Variants in CDC20 observed in about 807,000 individuals in gnomAD.
The protein encoded by CDC20 is cell division cycle protein 20 homolog.
Under a neutral mutation model 60.0 loss-of-function variants are expected in CDC20, and 34 were observed. That is an observed-to-expected ratio of 0.57 (90% confidence interval 0.43 to 0.75). The LOEUF (loss-of-function observed/expected upper bound fraction) is 0.75. CDC20 is among the 30% of genes least tolerant of loss of function. The pLI, the probability that CDC20 is intolerant of heterozygous loss-of-function variation, is 0.00. For synonymous variants in CDC20, 198 were observed against 243.5 expected (o/e 0.81, Z 1.74); for missense variants, 469 against 647.3 (o/e 0.72, Z 2.99).
At position 43,361,114 on chromosome 1, in the gene CDC20, A is replaced by G. The variant is rs1327837392; in HGVS notation, c.1078-6A>G. On this transcript the variant is annotated splice_region_variant and splice_polypyrimidine_tract_variant and intron_variant, in intron 8 of 10. Coordinates refer to ENST00000310955, the MANE Select transcript of CDC20 (RefSeq NM_001255.3). ...TACCTGCTGACCCCACCTTTATTCC[A>G]TCTAGGCCGTAGCATGGTGTCCCTG... The G allele has an allele frequency of 5.0e-6, 8 of 1,613,760 alleles. No homozygotes were observed. Among genetic ancestry groups the G allele is most frequent in the African/African-American group, 2.7e-5 (2 of 74,812 alleles).
Position 43,360,802 on chromosome 1 carries a change from T to G in CDC20, c.918T>G (p.Ser306Arg). 1 of 1,614,164 alleles carries G rather than the reference T, an allele frequency of 6.2e-7. No homozygotes were observed. The highest frequency in any genetic ancestry group is 8.5e-7 in the Non-Finnish European group (1 of 1,180,012). ...CAGAACACCATGTGGCCACACTGAG[T>G]GGCCACAGCCAGGAAGTGTGTGGGC... is the stretch of plus-strand genomic sequence containing the variant. ...RVAEHHVATL[S>R]GHSQEVCGLR... The change falls in exon 8 of 11, where the codon AGT becomes AGG. Residue 306 changes from serine (S) to arginine (R), a missense_variant. Ser to Arg is a moderately radical substitution (Grantham distance 110, BLOSUM62 -1). Around this residue, in one of 5 missense-constraint regions of CDC20, gnomAD observed 255 missense variants for 326.7 expected, o/e 0.78. Transcript: ENST00000310955.
Position 43,360,099 on chromosome 1 carries a change from T to TA in CDC20, c.556+4dup. 2.1e-5 allele frequency: 34 copies of TA among 1,614,244 alleles called. No homozygotes were observed. The highest frequency in any genetic ancestry group is 2.9e-5 in the Non-Finnish European group (34 of 1,180,050). On this transcript the variant is annotated splice_region_variant and intron_variant, in intron 5 of 10. Transcript: ENST00000310955. ...CGCCTGAAATCCGAAATGACTATTG[T>TA]AAGTGCATCCTTATCCTCGCCTCAT...
rs753694067 is a variant in CDC20 at position 43,362,937 on chromosome 1, C to G, written c.1322-14C>G. ...TGCATCAGCATTCGTATGTACTGTTCTCATTTGCTCCAGGTCACACATCCC... is the reference window on the plus strand; with the variant it reads ...TGCATCAGCATTCGTATGTACTGTTGTCATTTGCTCCAGGTCACACATCCC... On this transcript the variant is annotated splice_polypyrimidine_tract_variant and intron_variant, in intron 10 of 10. Transcript: ENST00000310955. 2.3e-5 allele frequency: 36 copies of G among 1,578,408 alleles called. No individual in the cohort carries two copies. Among genetic ancestry groups the G allele is most frequent in the East Asian group, 6.7e-5 (3 of 44,636 alleles).
chr1:43,361,939 CTGAT>C (rs1235133200), intron 9 of CDC20, among the ~76,000 whole-genome samples: 2 of 152,240 alleles, frequency 1.3e-5, no homozygotes. Context: ...GAACTTCCTT[CTGAT>C]TGATTCCTCA....
At position 43,361,239 on chromosome 1, in the gene CDC20, T is replaced by A; in HGVS notation, c.1197T>A (p.His399Gln). 6.2e-7 allele frequency: 1 copy of A among 1,602,846 alleles called. No individual in the cohort carries two copies. Among genetic ancestry groups the A allele is most frequent in the Non-Finnish European group, 8.5e-7 (1 of 1,174,196 alleles). The change falls in exon 9 of 11, where the codon CAT (histidine) becomes CAA (glutamine). Residue 399 changes from histidine (H) to glutamine (Q), a missense_variant. By Grantham distance (24) the His-to-Gln change is conservative. Coordinates refer to ENST00000310955, the MANE Select transcript of CDC20 (RefSeq NM_001255.3). ...CCTGTCTGAGTGCCGTGGATGCCCA[T>A]TCCCAGGTAATCTTTTGCCTGTTCC... The part of the protein sequence containing the change: ...SGACLSAVDA[H>Q]SQVCSILWSP...
chr1:43,362,940 A>C lies in CDC20; in HGVS notation c.1322-11A>C, dbSNP rs757085991. The C allele has an allele frequency of 6.3e-7, 1 of 1,582,376 alleles. No homozygotes were observed. The highest frequency in any genetic ancestry group is 8.6e-7 in the Non-Finnish European group (1 of 1,168,098). On this transcript the variant is annotated splice_polypyrimidine_tract_variant and intron_variant, in intron 10 of 10. Transcript: ENST00000310955. ...ATCAGCATTCGTATGTACTGTTCTC[A>C]TTTGCTCCAGGTCACACATCCCGGG...
chr1:43,359,141 G>A, intron 1 of CDC20, 26 bp from the exon 2 acceptor site: 1 of 1,501,672 alleles, frequency 6.7e-7, no homozygotes. Flanking sequence ...TCTGTCCCCT[G>A]AGCACCGTCG....
Position 43,363,170 on chromosome 1 carries a change from A to G in CDC20, c.*41A>G, listed in dbSNP as rs892551001. 2 of 1,565,414 alleles carry G rather than the reference A, an allele frequency of 1.3e-6. No individual in the cohort carries two copies. The highest frequency in any genetic ancestry group is 1.7e-6 in the Non-Finnish European group (2 of 1,146,418). ...CTCAGTTGTTTTTTATTTTTCTAATAAAGTCATGTCTCCCTTCATGTTTTT... is the reference window on the plus strand; with the variant it reads ...CTCAGTTGTTTTTTATTTTTCTAATGAAGTCATGTCTCCCTTCATGTTTTT... On this transcript the variant is annotated 3_prime_UTR_variant, in exon 11 of 11. Transcript: ENST00000310955.
At chr1:43,360,626 A>AT (rs1647168649) in intron 7 of CDC20, 33 bp downstream of exon 7, 1 of 1,590,726 alleles carries the variant, frequency 6.3e-7, no homozygotes, top group Admixed American at 1.7e-5. Flanking sequence ...TGGTAGTCTG[A>AT]TATTTGCCCA....
rs1647171484 is a variant in CDC20 at position 43,361,248 on chromosome 1, A to G, written c.1203+3A>G. ...GTGCCGTGGATGCCCATTCCCAGGT[A>G]ATCTTTTGCCTGTTCCTGCCTCTCC... On this transcript the variant is annotated splice_donor_region_variant and intron_variant, in intron 9 of 10. Transcript: ENST00000310955. The G allele has an allele frequency of 1.3e-6, 2 of 1,594,944 alleles. No individual in the cohort carries two copies. Among genetic ancestry groups the G allele is most frequent in the Non-Finnish European group, 1.7e-6 (2 of 1,170,238 alleles).
rs45461499 is a variant in CDC20 at position 43,363,065 on chromosome 1, G to A, written c.1436G>A (p.Arg479Gln). 347 of 1,613,588 alleles carry A rather than the reference G, an allele frequency of 2.2e-4. 4 individuals carry two copies. In the East Asian group the frequency reaches 3.9e-3, roughly 18 times the overall value. Reference protein sequence around the residue: ...LWRCFELDPARRREREKASAA... With the variant: ...LWRCFELDPAQRREREKASAA... ...CGCTGTTTTGAGTTGGACCCTGCGC[G>A]GCGGCGGGAGCGGGAGAAGGCCAGT... The change falls in exon 11 of 11, where the codon CGG becomes CAG. Residue 479 changes from arginine (R) to glutamine (Q), a missense_variant. By Grantham distance (43) the Arg-to-Gln change is conservative. Coordinates refer to ENST00000310955, the MANE Select transcript of CDC20 (RefSeq NM_001255.3).
At chr1:43,359,041 G>A (rs1326111014) in intron 1 of CDC20, 35 bp downstream of exon 1, 6 of 653,518 alleles carry the variant, frequency 9.2e-6, no homozygotes, top group Non-Finnish European at 1.6e-5. Flanking sequence ...AGGTGGGGCC[G>A]TGGCCAGGGG....
At chr1:43,359,850 G>A in intron 4 of CDC20, 29 bp downstream of exon 4, 3 of 1,611,370 alleles carry the variant, frequency 1.9e-6, no homozygotes, top group Non-Finnish European at 1.7e-6. Flanking sequence ...GGTTCCTGGA[G>A]GGAGGTGTCA....
At position 43,362,991 on chromosome 1, in the gene CDC20, T is replaced by C. The variant is rs771275547; in HGVS notation, c.1362T>C (p.Asp454=). 58 of 1,610,048 alleles carry C rather than the reference T, an allele frequency of 3.6e-5. 1 individual carries two copies. The South Asian group carries it at 5.5e-4, about 15-fold the overall frequency. ...TCCTGAGTCTGACCATGAGCCCAGA[T>C]GGGGCCACAGTGGCATCCGCAGCAG... ...SRVLSLTMSP[D]GATVASAAAD... The change falls in exon 11 of 11, where the codon GAT becomes GAC. Residue 454 remains aspartate, a synonymous_variant. Coordinates refer to ENST00000310955, the MANE Select transcript of CDC20 (RefSeq NM_001255.3).
rs983182236 is a variant in CDC20, at chr1:43,362,974, C to A, written c.1345C>A (p.Leu449Met). 8.7e-6 allele frequency: 14 copies of A among 1,601,370 alleles called. No individual in the cohort carries two copies. Among genetic ancestry groups the A allele is most frequent in the Non-Finnish European group, 9.4e-6 (11 of 1,176,340 alleles). Residue 449 changes from leucine to methionine, a missense_variant, in exon 11 of 11, where the codon CTG (leucine) becomes ATG (methionine). This residue lies in a region of CDC20 where 72 missense variants were observed against 77.9 expected (regional missense o/e 0.92). Transcript: ENST00000310955. ...AGGTCACACATCCCGGGTCCTGAGT[C>A]TGACCATGAGCCCAGATGGGGCCAC... ...LKGHTSRVLS[L>M]TMSPDGATVA...
In CDC20 at chr1:43,362,253, C is replaced by T. The variant is rs201154230; in HGVS notation, c.1262C>T (p.Ala421Val). The T allele has an allele frequency of 1.9e-6, 3 of 1,611,918 alleles. No homozygotes were observed. The highest frequency in any genetic ancestry group is 2.2e-5 in the East Asian group (1 of 44,878). ...YKELISGHGF[A>V]QNQLVIWKYP... ...GAGCTCATCTCAGGCCATGGCTTTGCACAGAACCAGCTAGTTATTTGGAAG... is the reference window on the plus strand; with the variant it reads ...GAGCTCATCTCAGGCCATGGCTTTGTACAGAACCAGCTAGTTATTTGGAAG... The change falls in exon 10 of 11, where the codon GCA becomes GTA. Residue 421 changes from alanine (A) to valine (V), a missense_variant. Coordinates refer to ENST00000310955, the MANE Select transcript of CDC20 (RefSeq NM_001255.3).
intron 9 of CDC20, among the ~76,000 whole-genome samples, chr1:43,361,574 T>C (rs983531357): frequency 3.3e-5 from 5 of 152,236 alleles, no homozygotes; most frequent in African/African-American, 1.2e-4. Flanking sequence ...CACCAGGATC[T>C]ATCAGTTTTA....
intron 5 of CDC20, 37 bp downstream of exon 5, chr1:43,360,134 AAG>A: frequency 6.2e-7 from 1 of 1,614,180 alleles, no homozygotes; most frequent in East Asian, 2.2e-5. Context: ...TGCATGGAGA[AAG>A]AGGGCCTGGG....
At chr1:43,359,466 C>T in intron 2 of CDC20, 24 bp from the exon 3 acceptor site, 4 of 1,613,910 alleles carry the variant, frequency 2.5e-6, no homozygotes, top group Admixed American at 1.7e-5. Flanking sequence ...CCTGGTCAGA[C>T]TGTCTTCTCT....
Sources: allele counts gnomAD v4.1 joint callset (sites outside exome capture counted in the v4.1 genomes callset), GRCh38; gene constraint gnomAD v4.1.1; regional missense constraint gnomAD v4.1.1; transcripts MANE v1.5; gene names NCBI Gene and HGNC (gene_info 2026-07-23, HGNC 2026-07-21).